NCALD: variants seen among roughly 807,000 people sequenced by gnomAD.
The protein encoded by NCALD is neurocalcin-delta.
In NCALD, 10 loss-of-function variants were observed where a neutral mutation model predicts 18.6. The observed-to-expected ratio is 0.54, with a 90% confidence interval of 0.33 to 0.91. The LOEUF is 0.91. NCALD is among the 40% of genes least tolerant of loss of function. The pLI is 0.03. For missense variants in NCALD, 184 were observed against 247.6 expected, an observed-to-expected ratio of 0.74 and a Z score of 1.72; for synonymous variants, 88 against 87.4, an observed-to-expected ratio of 1.01 and a Z score of -0.04.
rs539171074 is a variant in NCALD at position 101,725,112 on chromosome 8, C to T, written c.-19-5464G>A. On this transcript the variant is annotated intron_variant, in intron 1 of 3. Coordinates refer to ENST00000220931, the MANE Select transcript of NCALD (RefSeq NM_032041.3). The stretch of plus-strand genomic sequence containing the variant: ...GAAGAGGGTGGTTCCCTGGCAAAGG[C>T]CCCACCCTCAAGCCTGGAAACCATG... Among the ~76,000 whole-genome samples, 13 of 152,246 alleles carry T rather than the reference C, an allele frequency of 8.5e-5. No homozygotes were observed. The East Asian group carries it at 1.7e-3, about 20-fold the overall frequency.
chr8:102,078,188 TC>T (rs1216542655), intron 1 of NCALD, among the ~76,000 whole-genome samples: 8 of 152,088 alleles, frequency 5.3e-5, no homozygotes, highest in Admixed American at 1.3e-4. Flanking sequence ...ATTTATCTCT[TC>T]TTTTTATCAC....
chr8:101,868,751 G>A (rs559005648), intron 4 of NCALD, among the ~76,000 whole-genome samples: 1 of 152,286 alleles, frequency 6.6e-6, no homozygotes, highest in Non-Finnish European at 1.5e-5. Context: ...CCAAGAGCTC[G>A]ATGGAAAACC....
intron 1 of NCALD, among the ~76,000 whole-genome samples, chr8:102,116,705 A>G (rs1422706446): frequency 6.6e-6 from 1 of 151,964 alleles, no homozygotes; most frequent in Non-Finnish European, 1.5e-5. Context: ...ATGGGGTCTC[A>G]CCTTGTTGGC....
At chr8:101,732,156 C>G (rs983092024) in intron 1 of NCALD, among the ~76,000 whole-genome samples, 1 of 152,186 alleles carries the variant, frequency 6.6e-6, no homozygotes, top group Non-Finnish European at 1.5e-5. Context: ...CTGAGGAATT[C>G]CTTTTGCAAT....
intron 1 of NCALD, among the ~76,000 whole-genome samples, chr8:101,740,998 T>TA (rs1366100949): frequency 6.6e-6 from 1 of 152,222 alleles, no homozygotes; most frequent in Non-Finnish European, 1.5e-5. Context: ...AGAATCAGTG[T>TA]AAAAAAATTG....
intron 4 of NCALD, among the ~76,000 whole-genome samples, chr8:101,809,493 C>T (rs1395097513): frequency 6.6e-6 from 1 of 152,176 alleles, no homozygotes; most frequent in Non-Finnish European, 1.5e-5. Context: ...TCAACAGCAT[C>T]CAGTACAATT....
intron 1 of NCALD, among the ~76,000 whole-genome samples, chr8:102,108,360 G>A (rs998775881): frequency 7.9e-5 from 12 of 152,218 alleles, no homozygotes; most frequent in Admixed American, 2.6e-4. Flanking sequence ...AGTTGGGGCT[G>A]AAAAGTGTAG....
chr8:101,774,478 A>C (rs1811710732), intron 1 of NCALD, among the ~76,000 whole-genome samples: 1 of 152,244 alleles, frequency 6.6e-6, no homozygotes, highest in African/African-American at 2.4e-5. Context: ...GAAATGATCA[A>C]GTTAACCATT....
chr8:102,029,572 C>G (rs73697427), intron 1 of NCALD, among the ~76,000 whole-genome samples: 13,590 of 152,216 alleles, frequency 0.089, 750 homozygotes, highest in African/African-American at 0.15. Flanking sequence ...ATGTGCTGGG[C>G]CAAGTATTAT....
intron 1 of NCALD, among the ~76,000 whole-genome samples, chr8:101,727,171 A>G (rs1353361108): frequency 6.6e-6 from 1 of 152,172 alleles, no homozygotes; most frequent in Non-Finnish European, 1.5e-5. Flanking sequence ...CTCAGTGAAG[A>G]ATACCATCTT....
At chr8:101,979,761 G>T (rs890107454) in intron 2 of NCALD, among the ~76,000 whole-genome samples, 1 of 152,174 alleles carries the variant, frequency 6.6e-6, no homozygotes, top group Non-Finnish European at 1.5e-5. Flanking sequence ...CAGAGCAAGA[G>T]CAACAAATAG....
chr8:101,961,727 G>A (rs1018187451), intron 2 of NCALD, among the ~76,000 whole-genome samples: 1 of 152,138 alleles, frequency 6.6e-6, no homozygotes, highest in Non-Finnish European at 1.5e-5. Flanking sequence ...ACTGTGTCTA[G>A]CATGCTAACT....
Position 101,992,617 on chromosome 8 carries a change from C to T in NCALD, c.-157+27620G>A, listed in dbSNP as rs745742033. Among the ~76,000 whole-genome samples, 25 of 152,184 alleles carry T rather than the reference C, an allele frequency of 1.6e-4. No homozygotes were observed. In the East Asian group the frequency reaches 3.1e-3, roughly 19 times the overall value. On this transcript the variant is annotated intron_variant, in intron 2 of 6. Transcript: ENST00000311028. ...AACATCTCTCTGTCCCAATTATAAA[C>T]GGGAATAATAATGGGTTGTTGTAAG...
intron 2 of NCALD, among the ~76,000 whole-genome samples, chr8:101,700,254 G>C (rs1210769071): frequency 6.6e-6 from 1 of 151,838 alleles, no homozygotes; most frequent in Non-Finnish European, 1.5e-5. Flanking sequence ...TGTAGAGATG[G>C]GGTTTCTCTA....
chr8:101,948,099 T>C (rs972681970), intron 2 of NCALD, among the ~76,000 whole-genome samples: 2 of 152,210 alleles, frequency 1.3e-5, no homozygotes, highest in African/African-American at 4.8e-5. Context: ...AAATATGTGA[T>C]GGGTTTTATA....
intron 3 of NCALD, chr8:101,692,295 A>C (rs1018347984): frequency 1.0e-6 from 1 of 985,298 alleles, no homozygotes; most frequent in Non-Finnish European, 1.2e-6. Context: ...CCCAGTGACT[A>C]TGGGAGCCCA....
At chr8:102,009,788 A>G (rs1194984237) in intron 2 of NCALD, among the ~76,000 whole-genome samples, 1 of 152,218 alleles carries the variant, frequency 6.6e-6, no homozygotes, top group Non-Finnish European at 1.5e-5. Flanking sequence ...TTTAGATGCC[A>G]TGGTAACCAC....
intron 3 of NCALD, among the ~76,000 whole-genome samples, chr8:101,904,396 C>A (rs181075248): frequency 6.6e-6 from 1 of 152,166 alleles, no homozygotes; most frequent in East Asian, 1.9e-4. Flanking sequence ...CTCAAAATCA[C>A]CACATCTTTT....
At chr8:101,749,390 A>G (rs1348180449) in intron 1 of NCALD, among the ~76,000 whole-genome samples, 2 of 152,192 alleles carry the variant, frequency 1.3e-5, no homozygotes, top group African/African-American at 4.8e-5. Context: ...AGGATTTAAA[A>G]AAGGGCTGAC....
Sources: gnomAD v4.1 joint callset for allele counts (sites outside exome capture counted in the v4.1 genomes callset) on GRCh38, gnomAD v4.1.1 for gene constraint, MANE v1.5 for transcripts, NCBI Gene and HGNC (gene_info 2026-07-23, HGNC 2026-07-21) for gene names.